Variants in ZNF579 observed in about 807,000 individuals in gnomAD.
The protein encoded by ZNF579 is zinc finger protein 579.
ZNF579 carries 3 observed loss-of-function variants against 5.7 expected under a neutral mutation model. That is an observed-to-expected ratio of 0.53 (90% CI 0.24 to 1.36). The LOEUF (loss-of-function observed/expected upper bound fraction) is 1.36, where lower values mean the gene tolerates loss of function less well. ZNF579 is among the 40% of genes most tolerant of loss of function. ZNF579 has a pLI of 0.16. For missense variants in ZNF579, 679 were observed against 877.6 expected, an observed-to-expected ratio of 0.77 and a Z score of 2.86; for synonymous variants, 454 against 409.0, an observed-to-expected ratio of 1.11 and a Z score of -1.33.
chr19:55,579,011 A>G lies in ZNF579; in HGVS notation c.629T>C (p.Leu210Pro). The change falls in exon 2 of 2, where the codon CTG becomes CCG. Residue 210 changes from leucine to proline, a missense_variant. Physicochemically the swap from Leu to Pro is moderately conservative, Grantham distance 98. This residue lies in a region of ZNF579 where 209 missense variants were observed against 223.4 expected (regional missense o/e 0.94). Coordinates refer to ENST00000325421, the MANE Select transcript of ZNF579 (RefSeq NM_152600.3). ...CTCCTGCCGCCCGGCCGCCAGCGCC[A>G]GCTCGGCCCTCAGCTCTGCTGCCCC... is the stretch of plus-strand genomic sequence containing the variant. ...EAGAAELRAE[L>P]ALAAGRQEEK... 2.6e-6 allele frequency: 4 copies of G among 1,532,032 alleles called. No homozygotes were observed. The highest frequency in any genetic ancestry group is 3.5e-6 in the Non-Finnish European group (4 of 1,144,916). 94.9% of individuals were successfully genotyped at this position (1,532,032 alleles called of 1,614,324 possible). A position where few individuals can be genotyped will look rare whatever the true frequency, so the allele number is the denominator to read the frequency against.
chr19:55,579,157 G>A lies in ZNF579; in HGVS notation c.483C>T (p.Ala161=). The A allele has an allele frequency of 6.6e-7, 1 of 1,525,502 alleles. No homozygotes were observed. The highest frequency in any genetic ancestry group is 8.8e-7 in the Non-Finnish European group (1 of 1,141,994). 94.5% of individuals were successfully genotyped at this position (1,525,502 alleles called of 1,614,324 possible). ...SEPPTTAAAG[A]TEEEAVAAWP... ...ACGCTGCGACCGCCTCCTCCTCCGT[G>A]GCCCCTGCTGCAGCGGTGGTGGGCG... The change falls in exon 2 of 2, where the codon GCC becomes GCT. Residue 161 remains alanine (A), a synonymous_variant. Coordinates refer to ENST00000325421, the MANE Select transcript of ZNF579 (RefSeq NM_152600.3).
chr19:55,578,053 G>T lies in ZNF579; in HGVS notation c.1587C>A (p.Ser529Arg). Residue 529 changes from serine to arginine, a missense_variant, in exon 2 of 2, where the codon AGC becomes AGA. By Grantham distance (110) the Ser-to-Arg change is moderately radical (BLOSUM62 -1). Coordinates refer to ENST00000325421, the MANE Select transcript of ZNF579 (RefSeq NM_152600.3). The stretch of plus-strand genomic sequence containing the variant: ...GGTCTTGGCTGTCGAAACAGGAGGC[G>T]CTGAGGAAGACAGGGGGAGCCGGCG... ...QSPPAPPVFL[S>R]ASCFDSQDHS... The T allele has an allele frequency of 1.3e-6, 2 of 1,588,946 alleles. No homozygotes were observed. The highest frequency in any genetic ancestry group is 1.7e-6 in the Non-Finnish European group (2 of 1,167,844).
In ZNF579 at chr19:55,578,855, CCCCCTT is replaced by C; in HGVS notation, c.779_784del (p.Glu260_Gly261del). 1 of 1,598,276 alleles carries C rather than the reference CCCCCTT, an allele frequency of 6.3e-7. No homozygotes were observed. On this transcript the variant is annotated inframe_deletion, in exon 2 of 2. Coordinates refer to ENST00000325421, the MANE Select transcript of ZNF579 (RefSeq NM_152600.3). ...GTGTCGCTTGGGGCGTGGCGGGGGC[CCCCCTT>C]CCCCTTCCTGTTCGCCCTCGGGGCG...
chr19:55,578,454 G>A lies in ZNF579; in HGVS notation c.1186C>T (p.Arg396Trp). 6.8e-7 allele frequency: 1 copy of A among 1,462,834 alleles called. No homozygotes were observed. The highest frequency in any genetic ancestry group is 8.9e-7 in the Non-Finnish European group (1 of 1,117,558). The allele number at this position is 1,462,834 out of a possible 1,614,324, so 90.6% of individuals were successfully genotyped here. A position where few individuals can be genotyped will look rare whatever the true frequency, so the allele number is the denominator to read the frequency against. The change falls in exon 2 of 2, where the codon CGG becomes TGG. Residue 396 changes from arginine to tryptophan, a missense_variant. Coordinates refer to ENST00000325421, the MANE Select transcript of ZNF579 (RefSeq NM_152600.3). ...ACCCCGTGCTGCCGCAGGTGCGCCC[G>A]GCGCCTGAAACCTTTGCCGCACTCT... ...CPECGKGFRRRAHLRQHGVTH... is the reference protein window; with the variant it reads ...CPECGKGFRRWAHLRQHGVTH...
rs748884858 is a variant in ZNF579, at chr19:55,578,216, G to T, written c.1424C>A (p.Ala475Glu). The stretch of plus-strand genomic sequence containing the variant: ...CGACGTCGGGGCCTGGGCCTGCAGT[G>T]CCTGCAGCGCGGCGGCCCTCTCCAG... ...AELERAAALQ[A>E]LQAQAPTSPP... The change falls in exon 2 of 2, where the codon GCA becomes GAA. Residue 475 changes from alanine (A) to glutamate (E), a missense_variant. By Grantham distance (107) the Ala-to-Glu change is moderately radical. Around this residue, in one of 6 missense-constraint regions of ZNF579, gnomAD observed 116 missense variants for 121.9 expected, o/e 0.95. Transcript: ENST00000325421. The T allele has an allele frequency of 6.9e-7, 1 of 1,459,544 alleles. No homozygotes were observed. Among genetic ancestry groups the T allele is most frequent in the Non-Finnish European group, 9.0e-7 (1 of 1,112,066 alleles). 90.4% of individuals were successfully genotyped at this position (1,459,544 alleles called of 1,614,324 possible). A position where few individuals can be genotyped will look rare whatever the true frequency, so the allele number is the denominator to read the frequency against.
Position 55,579,169 on chromosome 19 carries a change from A to G in ZNF579, c.471T>C (p.Ala157=). The G allele has an allele frequency of 6.6e-7, 1 of 1,525,558 alleles. No individual in the cohort carries two copies. Among genetic ancestry groups the G allele is most frequent in the Non-Finnish European group, 8.8e-7 (1 of 1,142,176 alleles). The allele number at this position is 1,525,558 out of a possible 1,614,324, so 94.5% of individuals were successfully genotyped here. Residue 157 remains alanine, a synonymous_variant, in exon 2 of 2, where the codon GCT becomes GCC. Coordinates refer to ENST00000325421, the MANE Select transcript of ZNF579 (RefSeq NM_152600.3). ...CCTCCTCCTCCGTGGCCCCTGCTGC[A>G]GCGGTGGTGGGCGGCTCCGAGCCCT... ...QDEGSEPPTT[A]AAGATEEEAV...
Position 55,578,604 on chromosome 19 carries a change from C to A in ZNF579, c.1036G>T (p.Ala346Ser). ...DDKASGARNS[A>S]KGPEGGEGAE... ...CCCTCGCCCCCCTCCGGCCCCTTGG[C>A]TGAGTTCCGTGCACCCGAGGCCTTG... The change falls in exon 2 of 2, where the codon GCC becomes TCC. Residue 346 changes from alanine (A) to serine (S), a missense_variant. Physicochemically the swap from Ala to Ser is moderately conservative, Grantham distance 99. Around this residue, in one of 6 missense-constraint regions of ZNF579, gnomAD observed 114 missense variants for 98.9 expected, o/e 1.15. Coordinates refer to ENST00000325421, the MANE Select transcript of ZNF579 (RefSeq NM_152600.3). 6.6e-7 allele frequency: 1 copy of A among 1,518,744 alleles called. No homozygotes were observed. The highest frequency in any genetic ancestry group is 1.3e-5 in the South Asian group (1 of 78,790). The allele number at this position is 1,518,744 out of a possible 1,614,324, so 94.1% of individuals were successfully genotyped here.
Position 55,577,960 on chromosome 19 carries a change from C to T in ZNF579, c.1680G>A (p.Leu560=), listed in dbSNP as rs1228913116. 6.3e-7 allele frequency: 1 copy of T among 1,591,276 alleles called. No individual in the cohort carries two copies. The highest frequency in any genetic ancestry group is 2.3e-5 in the East Asian group (1 of 43,926). ...GGCAGGGCGGCGAAGGTCAGGAGGCCAGGCCCCCCAGCCCGCGCAGGTGAG... is the reference window on the plus strand; with the variant it reads ...GGCAGGGCGGCGAAGGTCAGGAGGCTAGGCCCCCCAGCCCGCGCAGGTGAG... ...SKAHLRGLGG[L]AS Residue 560 remains leucine, a synonymous_variant, in exon 2 of 2, where the codon CTG becomes CTA. Transcript: ENST00000325421.
Position 55,579,418 on chromosome 19 carries a change from G to A in ZNF579, c.222C>T (p.Cys74=), listed in dbSNP as rs1441366007. 2 of 1,336,804 alleles carry A rather than the reference G, an allele frequency of 1.5e-6. No individual in the cohort carries two copies. The highest frequency in any genetic ancestry group is 3.3e-5 in the East Asian group (1 of 30,634). The allele number at this position is 1,336,804 out of a possible 1,614,324, so 82.8% of individuals were successfully genotyped here. The change falls in exon 2 of 2, where the codon TGC becomes TGT. Residue 74 remains cysteine (C), a synonymous_variant. Transcript: ENST00000325421. ...GGCGGAAGGCCTTGGGGCACAGCGG[G>A]CAGGCGTGGGGCCGGAGCCCCGAGT... ...LSHSGLRPHA[C]PLCPKAFRRP...
rs1979465067 is a variant in ZNF579, at chr19:55,578,311, G to A, written c.1329C>T (p.Cys443=). The A allele has an allele frequency of 1.5e-6, 2 of 1,300,718 alleles. No individual in the cohort carries two copies. The highest frequency in any genetic ancestry group is 1.9e-6 in the Non-Finnish European group (2 of 1,028,952). 80.6% of individuals were successfully genotyped at this position (1,300,718 alleles called of 1,614,324 possible). A position where few individuals can be genotyped will look rare whatever the true frequency, so the allele number is the denominator to read the frequency against. The change falls in exon 2 of 2, where the codon TGC becomes TGT. Residue 443 remains cysteine, a synonymous_variant. Coordinates refer to ENST00000325421, the MANE Select transcript of ZNF579 (RefSeq NM_152600.3). ...VHAGGPAPHP[C]PRCPRRFSRA... is the part of the protein sequence containing the mutation. ...GCGAGAAGCGGCGCGGGCAGCGGGG[G>A]CACGGGTGCGGGGCTGGGCCCCCCG...
In ZNF579 at chr19:55,578,506, G is replaced by A. The variant is rs569327746; in HGVS notation, c.1134C>T (p.Pro378=). The change falls in exon 2 of 2, where the codon CCC becomes CCT. Residue 378 remains proline, a synonymous_variant. Coordinates refer to ENST00000325421, the MANE Select transcript of ZNF579 (RefSeq NM_152600.3). The part of the protein sequence containing the change: ...NGGDAAPARP[P]AGEPRFWCPE... ...GGCACCAGAAGCGGGGCTCCCCGGCGGGGGGCCGAGCCGGGGCGGCGTCGC... is the reference window on the plus strand; with the variant it reads ...GGCACCAGAAGCGGGGCTCCCCGGCAGGGGGCCGAGCCGGGGCGGCGTCGC... 2.1e-6 allele frequency: 3 copies of A among 1,414,158 alleles called. No individual in the cohort carries two copies. The highest frequency in any genetic ancestry group is 1.5e-5 in the South Asian group (1 of 65,838). 87.6% of individuals were successfully genotyped at this position (1,414,158 alleles called of 1,614,324 possible).
At position 55,577,624 on chromosome 19, in the gene ZNF579, T is replaced by A; in HGVS notation, c.*327A>T. 1 of 392,116 alleles carries A rather than the reference T, an allele frequency of 2.6e-6. No homozygotes were observed. The highest frequency in any genetic ancestry group is 4.7e-6 in the Non-Finnish European group (1 of 214,172). 24.3% of individuals were successfully genotyped at this position (392,116 alleles called of 1,614,324 possible). On this transcript the variant is annotated 3_prime_UTR_variant, in exon 2 of 2. Transcript: ENST00000325421. Reference sequence around the variant, plus strand: ...CCAGGGTCTGGCAGTTCCAAAGAGGTGATGGTGTCCAGTGTGTGAAACGGG... The same window carrying A: ...CCAGGGTCTGGCAGTTCCAAAGAGGAGATGGTGTCCAGTGTGTGAAACGGG...
chr19:55,577,807 G>A lies in ZNF579; in HGVS notation c.*144C>T. The A allele has an allele frequency of 7.1e-7, 1 of 1,413,356 alleles. No homozygotes were observed. Among genetic ancestry groups the A allele is most frequent in the Non-Finnish European group, 9.3e-7 (1 of 1,073,532 alleles). 87.6% of individuals were successfully genotyped at this position (1,413,356 alleles called of 1,614,324 possible). The stretch of plus-strand genomic sequence containing the variant: ...GGGGCGGGCGATGGGGGAGGAAGGG[G>A]CAGTCCAGGGCCCCCCACTCCTTAG... On this transcript the variant is annotated 3_prime_UTR_variant, in exon 2 of 2. Transcript: ENST00000325421.
chr19:55,579,611 T>A lies in ZNF579; in HGVS notation c.29A>T (p.Gln10Leu). 6.7e-7 allele frequency: 1 copy of A among 1,485,994 alleles called. No homozygotes were observed. Among genetic ancestry groups the A allele is most frequent in the Non-Finnish European group, 8.9e-7 (1 of 1,125,514 alleles). 92.1% of individuals were successfully genotyped at this position (1,485,994 alleles called of 1,614,324 possible). MDPQPPPPAQGSPPHRGRGR... is the reference protein window; with the variant it reads MDPQPPPPALGSPPHRGRGR... ...TCGGCCACGGTGAGGTGGGCTGCCC[T>A]GGGCGGGTGGAGGAGGCTGCGGATC... The change falls in exon 2 of 2, where the codon CAG (glutamine) becomes CTG (leucine). Residue 10 changes from glutamine to leucine, a missense_variant. Gln to Leu is a moderately radical substitution (Grantham distance 113). Coordinates refer to ENST00000325421, the MANE Select transcript of ZNF579 (RefSeq NM_152600.3).
At position 55,577,922 on chromosome 19, in the gene ZNF579, C is replaced by T. The variant is rs1427476377; in HGVS notation, c.*29G>A. On this transcript the variant is annotated 3_prime_UTR_variant, in exon 2 of 2. Coordinates refer to ENST00000325421, the MANE Select transcript of ZNF579 (RefSeq NM_152600.3). ...CATTCTGCAAACCGGGGAGCTCAGG[C>T]GGAGCGGCGGAGGGCAGGGCGGCGA... 1 of 1,560,044 alleles carries T rather than the reference C, an allele frequency of 6.4e-7. No individual in the cohort carries two copies. The highest frequency in any genetic ancestry group is 1.9e-5 in the Admixed American group (1 of 52,042).
In ZNF579 at chr19:55,577,834, G is replaced by A; in HGVS notation, c.*117C>T. 2 of 1,489,408 alleles carry A rather than the reference G, an allele frequency of 1.3e-6. No homozygotes were observed. Among genetic ancestry groups the A allele is most frequent in the Admixed American group, 2.1e-5 (1 of 46,624 alleles). The allele number at this position is 1,489,408 out of a possible 1,614,324, so 92.3% of individuals were successfully genotyped here. A position where few individuals can be genotyped will look rare whatever the true frequency, so the allele number is the denominator to read the frequency against. ...AGTCCAGGGCCCCCCACTCCTTAGT[G>A]TCAAGGGCGTGAAGGGGACGGGTGG... is the stretch of plus-strand genomic sequence containing the variant. On this transcript the variant is annotated 3_prime_UTR_variant, in exon 2 of 2. Transcript: ENST00000325421.
At position 55,578,419 on chromosome 19, in the gene ZNF579, C is replaced by A; in HGVS notation, c.1221G>T (p.Ser407=). Reference sequence around the variant, plus strand: ...GCACGCACTGGAAGGGGCGCGCTCCCGAGTGGGTCACCCCGTGCTGCCGCA... The same window carrying A: ...GCACGCACTGGAAGGGGCGCGCTCCAGAGTGGGTCACCCCGTGCTGCCGCA... ...AHLRQHGVTH[S]GARPFQCVRC... Residue 407 remains serine, a synonymous_variant, in exon 2 of 2, where the codon TCG becomes TCT. Coordinates refer to ENST00000325421, the MANE Select transcript of ZNF579 (RefSeq NM_152600.3). The A allele has an allele frequency of 6.8e-7, 1 of 1,481,404 alleles. No individual in the cohort carries two copies. Among genetic ancestry groups the A allele is most frequent in the Admixed American group, 2.4e-5 (1 of 42,410 alleles). The allele number at this position is 1,481,404 out of a possible 1,614,324, so 91.8% of individuals were successfully genotyped here.
At position 55,579,031 on chromosome 19, in the gene ZNF579, TGCCCCG is replaced by T; in HGVS notation, c.603_608del (p.Gly202_Ala203del). The T allele has an allele frequency of 6.5e-7, 1 of 1,529,920 alleles. No individual in the cohort carries two copies. Among genetic ancestry groups the T allele is most frequent in the Non-Finnish European group, 8.7e-7 (1 of 1,144,406 alleles). 94.8% of individuals were successfully genotyped at this position (1,529,920 alleles called of 1,614,324 possible). ...GCGCCAGCTCGGCCCTCAGCTCTGC[TGCCCCG>T]GCCTCGGCCTCCTCCGACTCCGACT... is the stretch of plus-strand genomic sequence containing the variant. On this transcript the variant is annotated inframe_deletion, in exon 2 of 2. Transcript: ENST00000325421.
rs1462659748 is a variant in ZNF579 at position 55,578,163 on chromosome 19, C to T, written c.1477G>A (p.Ala493Thr). 5.3e-6 allele frequency: 8 copies of T among 1,507,214 alleles called. No individual in the cohort carries two copies. In the African/African-American group the frequency reaches 1.1e-4, roughly 21 times the overall value. 93.4% of individuals were successfully genotyped at this position (1,507,214 alleles called of 1,614,324 possible). A position where few individuals can be genotyped will look rare whatever the true frequency, so the allele number is the denominator to read the frequency against. The change falls in exon 2 of 2, where the codon GCC becomes ACC. Residue 493 changes from alanine (A) to threonine (T), a missense_variant. Ala to Thr is a moderately conservative substitution (Grantham distance 58). Around this residue, in one of 6 missense-constraint regions of ZNF579, gnomAD observed 116 missense variants for 121.9 expected, o/e 0.95. Coordinates refer to ENST00000325421, the MANE Select transcript of ZNF579 (RefSeq NM_152600.3). ...SPPPPPPPLK[A>T]EQEEEGLPLP... ...GGGAGCCCTTCTTCCTCCTGCTCGG[C>T]CTTCAGGGGCGGCGGGGGCGGTGGC...
Sources: allele counts gnomAD v4.1 joint callset, GRCh38; gene constraint gnomAD v4.1.1; regional missense constraint gnomAD v4.1.1; transcripts MANE v1.5; gene names NCBI Gene and HGNC (gene_info 2026-07-23, HGNC 2026-07-21).